Variants in BTN3A1 observed in about 807,000 individuals in gnomAD.
BTN3A1 encodes the protein butyrophilin subfamily 3 member A1.
BTN3A1 carries 24 observed loss-of-function variants against 43.0 expected under a neutral mutation model. The ratio of observed to expected loss-of-function variants is 0.56; its 90% CI spans 0.40 to 0.78. The LOEUF (loss-of-function observed/expected upper bound fraction) is 0.78. BTN3A1 is among the 30% of genes least tolerant of loss of function. The pLI, the probability that BTN3A1 is intolerant of heterozygous loss-of-function variation, is 0.00. For missense variants in BTN3A1, 533 were observed against 626.2 expected (o/e 0.85, Z 1.59); for synonymous variants, 181 against 234.7 (o/e 0.77, Z 2.09).
intron 2 of BTN3A1, 95 bp from the exon 3 acceptor site, chr6:26,405,814 T>C (rs1367412423): frequency 1.1e-5 from 17 of 1,605,164 alleles, no homozygotes; most frequent in Middle Eastern, 1.7e-4. Flanking sequence ...CCCACCAGTT[T>C]CTTTGTATCT....
intron 2 of BTN3A1, 99 bp downstream of exon 2, chr6:26,405,747 T>C (rs954504813): frequency 4.4e-6 from 7 of 1,578,732 alleles, no homozygotes; most frequent in South Asian, 1.1e-5. Flanking sequence ...TCCATCCCGA[T>C]CTGAAGGTTC....
At chr6:26,412,990 A>T (rs1024922931) in intron 9 of BTN3A1, 179 bp from the exon 10 acceptor site, 140 of 1,459,934 alleles carry the variant, frequency 9.6e-5, no homozygotes, top group Non-Finnish European at 1.1e-4. Context: ...TGGACACAAG[A>T]TACCTGATAC....
At position 26,413,925 on chromosome 6, in the gene BTN3A1, A is replaced by T; in HGVS notation, c.*233A>T. On this transcript the variant is annotated 3_prime_UTR_variant, in exon 10 of 10. Coordinates refer to ENST00000289361, the MANE Select transcript of BTN3A1 (RefSeq NM_007048.6). ...TACTGATACTCATTCAATTATTCAT[A>T]TGACAGTTGTTTGAGTTTGGTACCA... 1.5e-6 allele frequency: 1 copy of T among 689,100 alleles called. No homozygotes were observed. Among genetic ancestry groups the T allele is most frequent in the South Asian group, 1.8e-5 (1 of 54,088 alleles). 42.7% of individuals were successfully genotyped at this position (689,100 alleles called of 1,614,324 possible).
Position 26,406,098 on chromosome 6 carries a change from C to T in BTN3A1, c.275C>T (p.Pro92Leu), listed in dbSNP as rs755894627. ...GKEVEDRQSA[P>L]YRGRTSILRD... Reference sequence around the variant, plus strand: ...GAAGTGGAAGACAGGCAGAGTGCACCGTATCGAGGGAGAACTTCGATTCTG... The same window carrying T: ...GAAGTGGAAGACAGGCAGAGTGCACTGTATCGAGGGAGAACTTCGATTCTG... Residue 92 changes from proline (P) to leucine (L), a missense_variant, in exon 3 of 10, where the codon CCG becomes CTG. Pro to Leu is a moderately conservative substitution (Grantham distance 98). Around this residue, in one of 4 missense-constraint regions of BTN3A1, gnomAD observed 51 missense variants for 90.9 expected, o/e 0.56. Coordinates refer to ENST00000289361, the MANE Select transcript of BTN3A1 (RefSeq NM_007048.6). 3.8e-6 allele frequency: 6 copies of T among 1,597,056 alleles called. No homozygotes were observed. Among genetic ancestry groups the T allele is most frequent in the Middle Eastern group, 2.0e-4 (1 of 5,034 alleles).
intron 1 of BTN3A1, among the ~76,000 whole-genome samples, chr6:26,402,792 G>A (rs1408048677): frequency 6.6e-6 from 1 of 152,170 alleles, no homozygotes; most frequent in Non-Finnish European, 1.5e-5. Context: ...TATTAAAAAT[G>A]TAGAAAAACC....
intron 9 of BTN3A1, chr6:26,412,813 G>A (rs1762264697): frequency 6.5e-7 from 1 of 1,549,752 alleles, no homozygotes; most frequent in African/African-American, 1.4e-5. Context: ...GTCGAATGAA[G>A]GTTGAAAATT....
rs558229453 is a variant in BTN3A1, at chr6:26,405,743, C to G, written c.85+95C>G. 1.9e-6 allele frequency: 3 copies of G among 1,578,648 alleles called. No homozygotes were observed. In the Admixed American group the frequency reaches 5.1e-5, roughly 27 times the overall value. On this transcript the variant is annotated intron_variant, in intron 2 of 9. Coordinates refer to ENST00000289361, the MANE Select transcript of BTN3A1 (RefSeq NM_007048.6). ...CTCCTTCCCAAACCTGAAGTCCATC[C>G]CGATCTGAAGGTTCACCCGTCACTA...
At chr6:26,402,444 C>G (rs1455485901) in intron 1 of BTN3A1, 32 bp downstream of exon 1, 1 of 152,302 alleles carries the variant, frequency 6.6e-6, no homozygotes, top group African/African-American at 2.4e-5. Context: ...GAGCCTGGTT[C>G]ACAATGCCTG....
intron 7 of BTN3A1, among the ~76,000 whole-genome samples, chr6:26,410,355 G>T (rs1411081794): frequency 6.6e-6 from 1 of 152,098 alleles, no homozygotes; most frequent in Non-Finnish European, 1.5e-5. Flanking sequence ...AGACTCTATA[G>T]CCCTGCAAAG....
chr6:26,412,538 A>G, intron 9 of BTN3A1: 2 of 1,549,760 alleles, frequency 1.3e-6, no homozygotes. Context: ...TGAAGGGTGG[A>G]GAGTGAATCT....
chr6:26,405,453 A>G lies in BTN3A1; in HGVS notation c.-111A>G. ...AGAGGAAAGATCTTCTTCGGTCACC[A>G]TACTTGAGTTAGCTCTAGGGAAGTG... is the stretch of plus-strand genomic sequence containing the variant. On this transcript the variant is annotated 5_prime_UTR_variant, in exon 2 of 10. Transcript: ENST00000289361. 2 of 1,054,920 alleles carry G rather than the reference A, an allele frequency of 1.9e-6. No individual in the cohort carries two copies. Among genetic ancestry groups the G allele is most frequent in the African/African-American group, 1.6e-5 (1 of 63,698 alleles). 65.3% of individuals were successfully genotyped at this position (1,054,920 alleles called of 1,614,324 possible). A position where few individuals can be genotyped will look rare whatever the true frequency, so the allele number is the denominator to read the frequency against.
Position 26,405,393 on chromosome 6 carries a change from CA to C in BTN3A1, c.-168del. On this transcript the variant is annotated 5_prime_UTR_variant, in exon 2 of 10. It introduces an in-frame stop codon into an upstream open reading frame of the 5' UTR. Coordinates refer to ENST00000289361, the MANE Select transcript of BTN3A1 (RefSeq NM_007048.6). The stretch of plus-strand genomic sequence containing the variant: ...ACAGGTGATTTTCAATGTTGGGACT[CA>C]AAGGTGAAGACACTGAAGGACAGAA... The C allele has an allele frequency of 1.6e-6, 1 of 624,424 alleles. No individual in the cohort carries two copies. The allele number at this position is 624,424 out of a possible 1,614,324, so 38.7% of individuals were successfully genotyped here. A position where few individuals can be genotyped will look rare whatever the true frequency, so the allele number is the denominator to read the frequency against.
intron 4 of BTN3A1, 89 bp from the exon 5 acceptor site, chr6:26,409,444 C>T: frequency 8.0e-7 from 1 of 1,247,038 alleles, no homozygotes; most frequent in Non-Finnish European, 1.2e-6. Flanking sequence ...TGCCCTGTGA[C>T]CTGGGGTGAG....
intron 7 of BTN3A1, among the ~76,000 whole-genome samples, chr6:26,410,236 T>C (rs1762164489): frequency 1.3e-5 from 2 of 151,086 alleles, no homozygotes; most frequent in African/African-American, 4.9e-5. Flanking sequence ...AGAAAGAGTG[T>C]GGCTGATTGG....
At chr6:26,408,017 G>A (rs887396739) in intron 4 of BTN3A1, 65 bp downstream of exon 4, 2 of 1,590,110 alleles carry the variant, frequency 1.3e-6, no homozygotes, top group South Asian at 1.2e-5. Context: ...AGGGGGAGGT[G>A]TTAGTGTCTG....
In BTN3A1 at chr6:26,414,294, C is replaced by G. The variant is rs891359549; in HGVS notation, c.*602C>G. ...TTCTTTTCCACCCTGTTTCTTCCCC[C>G]ATAGGAAGAACCCACCTGTAGCCCT... On this transcript the variant is annotated 3_prime_UTR_variant, in exon 10 of 10. Transcript: ENST00000289361. 1 of 160,328 alleles carries G rather than the reference C, an allele frequency of 6.2e-6. No individual in the cohort carries two copies. 9.9% of individuals were successfully genotyped at this position (160,328 alleles called of 1,614,324 possible).
Position 26,405,418 on chromosome 6 carries a change from A to G in BTN3A1, c.-146A>G. 1 of 706,732 alleles carries G rather than the reference A, an allele frequency of 1.4e-6. No homozygotes were observed. The highest frequency in any genetic ancestry group is 1.8e-5 in the South Asian group (1 of 56,550). 43.8% of individuals were successfully genotyped at this position (706,732 alleles called of 1,614,324 possible). On this transcript the variant is annotated 5_prime_UTR_variant, in exon 2 of 10. Coordinates refer to ENST00000289361, the MANE Select transcript of BTN3A1 (RefSeq NM_007048.6). ...CAAAGGTGAAGACACTGAAGGACAG[A>G]ATTTTTGGCAGAGGAAAGATCTTCT...
At chr6:26,408,055 A>T in intron 4 of BTN3A1, 103 bp downstream of exon 4, 1 of 1,536,864 alleles carries the variant, frequency 6.5e-7, no homozygotes. Context: ...TGCACTGAAT[A>T]TAAGGCCCAA....
chr6:26,413,031 G>C (rs1762272834), intron 9 of BTN3A1, 138 bp from the exon 10 acceptor site: 3 of 1,496,684 alleles, frequency 2.0e-6, no homozygotes, highest in Admixed American at 2.5e-5. Flanking sequence ...ATCGATGAGA[G>C]AGTCACATTT....
Sources: gnomAD v4.1 joint callset for allele counts (sites outside exome capture counted in the v4.1 genomes callset) on GRCh38, gnomAD v4.1.1 for gene constraint, gnomAD v4.1.1 regional missense constraint, MANE v1.5 for transcripts, NCBI Gene and HGNC (gene_info 2026-07-23, HGNC 2026-07-21) for gene names.